SNRNP200: variants seen among roughly 807,000 people sequenced by gnomAD.
SNRNP200 encodes the protein small nuclear ribonucleoprotein U5 subunit 200, also known as U5 small nuclear ribonucleoprotein 200 kDa helicase.
SNRNP200 carries 66 observed loss-of-function variants against 255.2 expected under a neutral mutation model. The observed-to-expected ratio is 0.26, with a 90% CI of 0.21 to 0.32. The LOEUF (loss-of-function observed/expected upper bound fraction) is 0.32, where lower values mean the gene tolerates loss of function less well. Among genes scored for constraint, SNRNP200 ranks in the 10% least tolerant of loss-of-function variants. The pLI is 1.00. For synonymous variants in SNRNP200, 939 were observed against 1,027.8 expected (o/e 0.91, Z 1.65); for missense variants, 1,585 against 2,749.8 (o/e 0.58, Z 9.47).
intron 24 of SNRNP200, 36 bp from the exon 25 acceptor site, chr2:96,288,005 C>T (rs771790479): frequency 6.9e-6 from 11 of 1,590,894 alleles, no homozygotes; most frequent in East Asian, 6.7e-5. Flanking sequence ...TGTTAAGTCT[C>T]GACTATCCCC....
intron 36 of SNRNP200, 48 bp from the exon 37 acceptor site, chr2:96,279,046 C>G: frequency 1.3e-6 from 2 of 1,508,660 alleles, no homozygotes; most frequent in Non-Finnish European, 1.8e-6. Flanking sequence ...AGTGACAACA[C>G]GGTCACAGAG....
At chr2:96,296,902 A>G (rs1423265790) in intron 12 of SNRNP200, 31 bp downstream of exon 12, 2 of 1,614,090 alleles carry the variant, frequency 1.2e-6, no homozygotes, top group East Asian at 2.2e-5. Flanking sequence ...ACCATATTCT[A>G]CAAGAAAACA....
rs1177671730 is a variant in SNRNP200 at position 96,275,247 on chromosome 2, A to T, written c.6267+10T>A. The T allele has an allele frequency of 1.2e-6, 2 of 1,613,920 alleles. No individual in the cohort carries two copies. Among genetic ancestry groups the T allele is most frequent in the Non-Finnish European group, 1.7e-6 (2 of 1,179,900 alleles). The stretch of plus-strand genomic sequence containing the variant: ...CCAGAACAAATGCTAGGGCCAGTGG[A>T]CACACTCACCTTGGCCTTCTGCTGC... On this transcript the variant is annotated intron_variant, in intron 44 of 44. Transcript: ENST00000323853.
chr2:96,278,342 G>A lies in SNRNP200; in HGVS notation c.5505C>T (p.Ser1835=), dbSNP rs1289878014. The A allele has an allele frequency of 2.5e-6, 4 of 1,614,162 alleles. No individual in the cohort carries two copies. Among genetic ancestry groups the A allele is most frequent in the Non-Finnish European group, 1.7e-6 (2 of 1,180,038 alleles). ...CTCGCACCTTGGTCTTGGCATTGAG[G>A]GACATGCTGAAGAGCTCTGACAGAA... is the stretch of plus-strand genomic sequence containing the variant. ...NYTTIELFSM[S]LNAKTKVRGL... is the part of the protein sequence containing the mutation. The change falls in exon 39 of 45, where the codon TCC becomes TCT. Residue 1835 remains serine, a synonymous_variant. Coordinates refer to ENST00000323853, the MANE Select transcript of SNRNP200 (RefSeq NM_014014.5). The surrounding 1 kb of genome is among the most constrained non-coding windows in gnomAD (Gnocchi z 6.9).
chr2:96,288,904 C>T (rs746690542), intron 23 of SNRNP200, 133 bp downstream of exon 23: 137 of 1,052,170 alleles, frequency 1.3e-4, no homozygotes, highest in Middle Eastern at 2.0e-4. Flanking sequence ...AAAGAACATG[C>T]GAGAAGGCTG....
intron 9 of SNRNP200, 84 bp from the exon 10 acceptor site, chr2:96,297,804 A>G: frequency 7.0e-7 from 1 of 1,436,348 alleles, no homozygotes; most frequent in East Asian, 2.3e-5. Flanking sequence ...CTTAGCTAAT[A>G]CTTGAGTCAC....
rs756790986 is a variant in SNRNP200, at chr2:96,290,015, G to C, written c.2743-19C>G. ...CCGCATCCTACAAGACACAGCTCAT[G>C]GTTCTTAGCATGGAGAAACTCTTGA... On this transcript the variant is annotated intron_variant, in intron 20 of 44. Coordinates refer to ENST00000323853, the MANE Select transcript of SNRNP200 (RefSeq NM_014014.5). This position sits in a 1 kb window ranked among gnomAD's most constrained non-coding sequence, Gnocchi z 4.5. 1.3e-5 allele frequency: 21 copies of C among 1,612,728 alleles called. No individual in the cohort carries two copies.
chr2:96,296,843 T>C, intron 12 of SNRNP200, 90 bp downstream of exon 12: 1 of 1,575,936 alleles, frequency 6.3e-7, no homozygotes, highest in Non-Finnish European at 8.7e-7. Context: ...GACAAAGAAT[T>C]AGGGGGTGGG....
chr2:96,283,115 G>A lies in SNRNP200; in HGVS notation c.4915+86C>T. On this transcript the variant is annotated intron_variant, in intron 34 of 44. Transcript: ENST00000323853. This position sits in a 1 kb window ranked among gnomAD's most constrained non-coding sequence, Gnocchi z 4.7. Reference sequence around the variant, plus strand: ...TTGAAAATCTCTGGTATGCTGTAGAGAAAACACTGCCACCCGCACCCCTCA... The same window carrying A: ...TTGAAAATCTCTGGTATGCTGTAGAAAAAACACTGCCACCCGCACCCCTCA... 3 of 1,538,254 alleles carry A rather than the reference G, an allele frequency of 2.0e-6. No homozygotes were observed. The South Asian group carries it at 3.4e-5, about 17-fold the overall frequency.
intron 31 of SNRNP200, 96 bp downstream of exon 31, chr2:96,284,262 C>A: frequency 1.8e-6 from 2 of 1,108,202 alleles, no homozygotes; most frequent in Non-Finnish European, 2.7e-6. Context: ...GGGGAGAAGC[C>A]CCGAGCCTCC....
Position 96,286,272 on chromosome 2 carries a change from G to A in SNRNP200, c.4003+39C>T, listed in dbSNP as rs1187889577. 3.1e-6 allele frequency: 5 copies of A among 1,603,768 alleles called. No individual in the cohort carries two copies. The African/African-American group carries it at 6.7e-5, about 21-fold the overall frequency. ...CCACAGAGCACATCTGTCTCCCGGT[G>A]ACTTCAAAAGCCTCCAGAGGAGGGA... On this transcript the variant is annotated intron_variant, in intron 29 of 44. Coordinates refer to ENST00000323853, the MANE Select transcript of SNRNP200 (RefSeq NM_014014.5). The surrounding 1 kb of genome is among the most constrained non-coding windows in gnomAD (Gnocchi z 4.8).
rs1169313109 is a variant in SNRNP200 at position 96,304,656 on chromosome 2, G to A, written c.209+49C>T. The A allele has an allele frequency of 8.7e-6, 14 of 1,611,054 alleles. No homozygotes were observed. In the East Asian group the frequency reaches 8.9e-5, roughly 10 times the overall value. On this transcript the variant is annotated intron_variant, in intron 2 of 44. Transcript: ENST00000323853. ...AAAAATGCTGCTCGAATGTTAAAGGGAAGAGACTTTGGATCTGAAGGAAAA... is the reference window on the plus strand; with the variant it reads ...AAAAATGCTGCTCGAATGTTAAAGGAAAGAGACTTTGGATCTGAAGGAAAA...
intron 23 of SNRNP200, 52 bp downstream of exon 23, chr2:96,288,985 T>A (rs1311500112): frequency 2.7e-6 from 4 of 1,505,304 alleles, no homozygotes; most frequent in Non-Finnish European, 3.6e-6. Flanking sequence ...TAGAAGATTA[T>A]GAAAACCACT....
rs375171179 is a variant in SNRNP200, at chr2:96,283,181, C to T, written c.4915+20G>A. The T allele has an allele frequency of 4.3e-6, 7 of 1,613,590 alleles. No individual in the cohort carries two copies. Among genetic ancestry groups the T allele is most frequent in the African/African-American group, 2.7e-5 (2 of 74,950 alleles). Reference sequence around the variant, plus strand: ...CTTGGTGATACCCTTGCTATGCTCCCCTTCCGTGGCCTGACTTACCTGAGC... The same window carrying T: ...CTTGGTGATACCCTTGCTATGCTCCTCTTCCGTGGCCTGACTTACCTGAGC... On this transcript the variant is annotated intron_variant, in intron 34 of 44. Transcript: ENST00000323853. This position sits in a 1 kb window ranked among gnomAD's most constrained non-coding sequence, Gnocchi z 4.7.
chr2:96,296,770 A>C, intron 12 of SNRNP200, 79 bp from the exon 13 acceptor site: 1 of 1,579,234 alleles, frequency 6.3e-7, no homozygotes, highest in Non-Finnish European at 8.7e-7. Flanking sequence ...CTTATTTCCC[A>C]AATAGAGAAT....
intron 43 of SNRNP200, chr2:96,276,593 T>G (rs1272757492): frequency 8.0e-6 from 3 of 375,434 alleles, no homozygotes; most frequent in African/African-American, 2.1e-5. Flanking sequence ...AGCTAATTTT[T>G]GTATTTTTAG....
chr2:96,296,846 G>A, intron 12 of SNRNP200, 87 bp downstream of exon 12: 5 of 1,572,406 alleles, frequency 3.2e-6, no homozygotes, highest in Non-Finnish European at 4.4e-6. Flanking sequence ...AAAGAATTAG[G>A]GGGTGGGGGT....
In SNRNP200 at chr2:96,279,499, C is replaced by T. The variant is rs775173150; in HGVS notation, c.5085G>A (p.Leu1695=). Residue 1695 remains leucine (L), a synonymous_variant, in exon 36 of 45, where the codon TTG becomes TTA. Transcript: ENST00000323853. The stretch of plus-strand genomic sequence containing the variant: ...TGACACAGCGCCCCTCATCGTCCTG[C>T]AAAGGGCGGTTGGCGTGGCCCACCA... ...LQMVGHANRP[L]QDDEGRCVIM... is the part of the protein sequence containing the mutation. The T allele has an allele frequency of 7.4e-6, 12 of 1,614,168 alleles. No homozygotes were observed. The highest frequency in any genetic ancestry group is 6.7e-5 in the African/African-American group (5 of 75,046).
intron 5 of SNRNP200, 112 bp downstream of exon 5, chr2:96,300,886 A>C: frequency 1.1e-6 from 1 of 912,744 alleles, no homozygotes; most frequent in Non-Finnish European, 1.8e-6. Context: ...AACCCATACA[A>C]CACCATAAAA....
Sources: allele counts gnomAD v4.1 joint callset, GRCh38; gene constraint gnomAD v4.1.1; non-coding constraint Gnocchi (gnomAD v3.1); transcripts MANE v1.5; gene names NCBI Gene and HGNC (gene_info 2026-07-23, HGNC 2026-07-21).